SYT16: variants seen among roughly 807,000 people sequenced by gnomAD.
SYT16 encodes synaptotagmin-16.
SYT16 carries 42 observed loss-of-function variants against 61.4 expected under a neutral mutation model. The ratio of observed to expected loss-of-function variants is 0.68; its 90% confidence interval spans 0.53 to 0.89. The LOEUF (loss-of-function observed/expected upper bound fraction) is 0.89, where lower values mean the gene tolerates loss of function less well. SYT16 is among the 40% of genes least tolerant of loss of function. The pLI is 0.00. For missense variants in SYT16, 804 were observed against 807.3 expected (o/e 1.00, Z 0.05); for synonymous variants, 314 against 302.3 (o/e 1.04, Z -0.40).
At position 61,990,721 on chromosome 14, in the gene SYT16, C is replaced by T. The variant is rs962586993; in HGVS notation, c.-144-5155C>T. Among the ~76,000 whole-genome samples, 4 of 152,102 alleles carry T rather than the reference C, an allele frequency of 2.6e-5. No homozygotes were observed. In the South Asian group the frequency reaches 8.3e-4, roughly 32 times the overall value. On this transcript the variant is annotated intron_variant, in intron 2 of 7. Transcript: ENST00000683842. ...CTTAGGTCGTAACTGTCCCCCAACC[C>T]TGCAAGCAACCCCATCAGATAGAAA...
At chr14:61,901,280 C>T (rs2048505140) in intron 1 of SYT16, among the ~76,000 whole-genome samples, 1 of 152,198 alleles carries the variant, frequency 6.6e-6, no homozygotes. Flanking sequence ...CCCTGTGTAC[C>T]TATGGCTGCT....
chr14:61,995,944 A>G lies in SYT16; in HGVS notation c.-76A>G. On this transcript the variant is annotated 5_prime_UTR_variant, in exon 3 of 8. Transcript: ENST00000683842. The stretch of plus-strand genomic sequence containing the variant: ...TCCAAATTAATTTCTCAACATGCTT[A>G]TTCTATAGTTCACATTCAATCCAGA... The G allele has an allele frequency of 1.4e-6, 2 of 1,412,540 alleles. No homozygotes were observed. The highest frequency in any genetic ancestry group is 1.9e-6 in the Non-Finnish European group (2 of 1,049,232). 87.5% of individuals were successfully genotyped at this position (1,412,540 alleles called of 1,614,324 possible).
intron 3 of SYT16, among the ~76,000 whole-genome samples, chr14:62,002,624 A>T (rs984053631): frequency 1.4e-4 from 21 of 152,014 alleles, no homozygotes; most frequent in Non-Finnish European, 5.9e-5. Flanking sequence ...CTCCCCGGAG[A>T]CAGGGGAATC....
At chr14:61,993,499 A>G (rs1266911061) in intron 2 of SYT16, among the ~76,000 whole-genome samples, 3 of 152,166 alleles carry the variant, frequency 2.0e-5, no homozygotes, top group Non-Finnish European at 4.4e-5. Flanking sequence ...TGATGGAAGA[A>G]TTATTAAGGA....
chr14:61,886,941 A>G (rs556306299), intron 1 of SYT16, among the ~76,000 whole-genome samples: 44 of 109,178 alleles, frequency 4.0e-4, no homozygotes, highest in African/African-American at 1.6e-3. Flanking sequence ...GTCTTGCTAT[A>G]TTGCCCAGGC....
intron 1 of SYT16, among the ~76,000 whole-genome samples, chr14:61,815,725 G>C (rs2045407785): frequency 6.6e-6 from 1 of 152,166 alleles, no homozygotes; most frequent in African/African-American, 2.4e-5. Context: ...GAGGAACTTT[G>C]AGATCCCAGT....
At chr14:62,025,983 A>T (rs2054088220) in intron 3 of SYT16, among the ~76,000 whole-genome samples, 1 of 152,052 alleles carries the variant, frequency 6.6e-6, no homozygotes, top group African/African-American at 2.4e-5. Context: ...CTTGAGGTAA[A>T]CCTTATTTGG....
At chr14:62,001,821 A>G (rs946893105) in intron 3 of SYT16, among the ~76,000 whole-genome samples, 1 of 152,000 alleles carries the variant, frequency 6.6e-6, no homozygotes, top group African/African-American at 2.4e-5. Flanking sequence ...GTACCTACTA[A>G]CATATCTTCA....
chr14:61,819,198 A>G (rs1160703292), intron 1 of SYT16, among the ~76,000 whole-genome samples: 2 of 152,220 alleles, frequency 1.3e-5, no homozygotes, highest in African/African-American at 4.8e-5. Flanking sequence ...TCCTGAGTAT[A>G]GTAGATTTGG....
chr14:61,973,691 C>G (rs1212261128), intron 2 of SYT16, among the ~76,000 whole-genome samples: 1 of 152,058 alleles, frequency 6.6e-6, no homozygotes, highest in Non-Finnish European at 1.5e-5. Context: ...ATTCCAAAAG[C>G]AAAATTTAGG....
chr14:61,890,927 T>C (rs894141277), intron 1 of SYT16, among the ~76,000 whole-genome samples: 1 of 152,136 alleles, frequency 6.6e-6, no homozygotes, highest in Admixed American at 6.5e-5. Flanking sequence ...CTTGAATAAA[T>C]ATGAAATATT....
chr14:62,036,904 G>A (rs2054532012), intron 3 of SYT16, among the ~76,000 whole-genome samples: 1 of 152,144 alleles, frequency 6.6e-6, no homozygotes, highest in South Asian at 2.1e-4. Context: ...GAGGAGCACT[G>A]GTGCCAAGAG....
intron 1 of SYT16, among the ~76,000 whole-genome samples, chr14:61,827,433 A>G (rs1034853952): frequency 2.6e-5 from 4 of 152,176 alleles, no homozygotes; most frequent in African/African-American, 9.7e-5. Flanking sequence ...CTCATCTGCT[A>G]CTGTTTCTCC....
chr14:61,867,236 AT>A, intron 1 of SYT16, among the ~76,000 whole-genome samples: 1 of 152,074 alleles, frequency 6.6e-6, no homozygotes, highest in South Asian at 2.1e-4. Flanking sequence ...AATCTAGGTC[AT>A]TTTATTTCCA....
At chr14:61,972,284 T>G (rs1440773466) in intron 2 of SYT16, among the ~76,000 whole-genome samples, 5 of 152,214 alleles carry the variant, frequency 3.3e-5, no homozygotes, top group Non-Finnish European at 5.9e-5. Flanking sequence ...ACTATAATGG[T>G]TATGAGGAAC....
rs2057417847 is a variant in SYT16, at chr14:62,101,489, AAAAAC to A, written c.*785_*789del. The A allele has an allele frequency of 6.6e-6, 1 of 152,182 alleles. No individual in the cohort carries two copies. Among genetic ancestry groups the A allele is most frequent in the African/African-American group, 2.4e-5 (1 of 41,452 alleles). 9.4% of individuals were successfully genotyped at this position (152,182 alleles called of 1,614,324 possible). A position where few individuals can be genotyped will look rare whatever the true frequency, so the allele number is the denominator to read the frequency against. Reference sequence around the variant, plus strand: ...TAAGTTCTTACAGAATAAGAAAACAAAAAACAAGACTACTGCAGTCATAGATTTAT... The same window carrying A: ...TAAGTTCTTACAGAATAAGAAAACAAAAGACTACTGCAGTCATAGATTTAT... On this transcript the variant is annotated 3_prime_UTR_variant, in exon 8 of 8. Transcript: ENST00000683842.
intron 2 of SYT16, among the ~76,000 whole-genome samples, chr14:61,970,935 GTTT>G (rs33917095): frequency 2.7e-5 from 4 of 148,084 alleles, no homozygotes; most frequent in Non-Finnish European, 6.0e-5. Flanking sequence ...TAACTTTGCT[GTTT>G]TTTTTTTTTT....
chr14:61,959,780 C>T (rs777411825), intron 1 of SYT16, among the ~76,000 whole-genome samples: 1 of 151,978 alleles, frequency 6.6e-6, no homozygotes. Flanking sequence ...TTGAAGAATT[C>T]CCTTGAGTAC....
At chr14:61,864,789 G>C in intron 1 of SYT16, 1 of 943,368 alleles carries the variant, frequency 1.1e-6, no homozygotes, top group Non-Finnish European at 1.6e-6. Flanking sequence ...CCTAGTGTCT[G>C]CCAGCGCCTG....
Sources: gnomAD v4.1 joint callset for allele counts (sites outside exome capture counted in the v4.1 genomes callset) on GRCh38, gnomAD v4.1.1 for gene constraint, MANE v1.5 for transcripts, NCBI Gene and HGNC (gene_info 2026-07-23, HGNC 2026-07-21) for gene names.